Variants in RTKN2 observed in about 807,000 individuals in gnomAD.
The protein encoded by RTKN2 is rhotekin-2.
In RTKN2, 69 loss-of-function variants were observed where a neutral mutation model predicts 71.5. That is an observed-to-expected ratio of 0.96 (90% CI 0.79 to 1.18). The LOEUF is 1.18. Ranked by LOEUF, RTKN2 falls within the 50% of genes most tolerant of loss-of-function variation. The pLI is 0.00. For synonymous variants in RTKN2, 236 were observed against 236.5 expected (o/e 1.00, Z 0.02); for missense variants, 724 against 719.7 (o/e 1.01, Z -0.07).
chr10:62,188,369 G>A (rs1372329281), downstream of RTKN2, among the ~76,000 whole-genome samples: 1 of 152,196 alleles, frequency 6.6e-6, no homozygotes, highest in Non-Finnish European at 1.5e-5. Context: ...GAGGGAAACA[G>A]CAAGGGTGTG....
At chr10:62,202,449 G>A (rs190167026) in intron 10 of RTKN2, among the ~76,000 whole-genome samples, 2 of 152,290 alleles carry the variant, frequency 1.3e-5, no homozygotes, top group East Asian at 3.9e-4. Context: ...GGTTGCACCT[G>A]TCACTAGGAA....
chr10:62,222,764 T>C (rs1414204671), intron 7 of RTKN2, among the ~76,000 whole-genome samples: 3 of 152,222 alleles, frequency 2.0e-5, no homozygotes, highest in Non-Finnish European at 4.4e-5. Context: ...GTTTCCTGTA[T>C]CTTTATTTTG....
Position 62,197,719 on chromosome 10 carries a change from A to G in RTKN2, c.*189T>C. ...GCACACTGCTGGAGAAATCACTTACATTCTGCAAATCAGGAGTAAAAGAGA... is the reference window on the plus strand; with the variant it reads ...GCACACTGCTGGAGAAATCACTTACGTTCTGCAAATCAGGAGTAAAAGAGA... On this transcript the variant is annotated 3_prime_UTR_variant, in exon 12 of 12. Transcript: ENST00000373789. The G allele has an allele frequency of 1.4e-6, 2 of 1,405,772 alleles. No homozygotes were observed. Among genetic ancestry groups the G allele is most frequent in the Non-Finnish European group, 1.8e-6 (2 of 1,086,274 alleles). 87.1% of individuals were successfully genotyped at this position (1,405,772 alleles called of 1,614,324 possible).
At chr10:62,267,665 A>G (rs1017716888) in intron 1 of RTKN2, among the ~76,000 whole-genome samples, 1 of 152,250 alleles carries the variant, frequency 6.6e-6, no homozygotes, top group Admixed American at 6.5e-5. Context: ...AGATTTTTAA[A>G]CAAAGATATC....
chr10:62,235,785 A>G (rs533686022), intron 6 of RTKN2, among the ~76,000 whole-genome samples: 55 of 152,104 alleles, frequency 3.6e-4, no homozygotes, highest in Non-Finnish European at 6.9e-4. Context: ...CAAAATCTGA[A>G]AAAGTCCAAA....
Position 62,194,975 on chromosome 10 carries a change from C to A in RTKN2, c.*2933G>T, listed in dbSNP as rs1417009405. 1.0e-6 allele frequency: 1 copy of A among 985,186 alleles called. No individual in the cohort carries two copies. Among genetic ancestry groups the A allele is most frequent in the Non-Finnish European group, 1.2e-6 (1 of 829,902 alleles). 61.0% of individuals were successfully genotyped at this position (985,186 alleles called of 1,614,324 possible). On this transcript the variant is annotated 3_prime_UTR_variant, in exon 12 of 12. Transcript: ENST00000373789. ...ACAAAACTCAGCAAGAGTTGGCACG[C>A]CTGATATTTTTGAAAGACTATTTAC...
intron 2 of RTKN2, among the ~76,000 whole-genome samples, chr10:62,247,485 G>A (rs1021579747): frequency 6.6e-6 from 1 of 151,786 alleles, no homozygotes; most frequent in Admixed American, 6.6e-5. Flanking sequence ...TTACTTTATG[G>A]CCATATCTGG....
intron 6 of RTKN2, among the ~76,000 whole-genome samples, chr10:62,233,434 AAG>A (rs1260084541): frequency 1.3e-5 from 2 of 152,178 alleles, no homozygotes; most frequent in Non-Finnish European, 2.9e-5. Context: ...TCTTAGATCT[AAG>A]AGAAGAAAAT....
Position 62,195,064 on chromosome 10 carries a change from C to T in RTKN2, c.*2844G>A. On this transcript the variant is annotated 3_prime_UTR_variant, in exon 12 of 12. Transcript: ENST00000373789. ...TTTGCCCTTGCAAGATATTAAAATA[C>T]AAAAGTTACCACTTAGTAGCAATTA... 1.0e-6 allele frequency: 1 copy of T among 984,442 alleles called. No homozygotes were observed. The highest frequency in any genetic ancestry group is 1.1e-4 in the East Asian group (1 of 8,808). 61.0% of individuals were successfully genotyped at this position (984,442 alleles called of 1,614,324 possible).
At chr10:62,189,412 C>G (rs185417364), downstream of RTKN2, among the ~76,000 whole-genome samples, 3 of 152,308 alleles carry the variant, frequency 2.0e-5, no homozygotes, top group Non-Finnish European at 4.4e-5. Context: ...GCCATTCTAA[C>G]AAGCTAGGAG....
chr10:62,186,198 T>A (rs1841133932), intron 8 of RTKN2, among the ~76,000 whole-genome samples: 2 of 138,728 alleles, frequency 1.4e-5, no homozygotes. Flanking sequence ...TGCATATTCT[T>A]AACGTATATG....
At chr10:62,207,565 G>A (rs1361256333) in intron 9 of RTKN2, among the ~76,000 whole-genome samples, 1 of 151,990 alleles carries the variant, frequency 6.6e-6, no homozygotes, top group Non-Finnish European at 1.5e-5. Flanking sequence ...TCTCAAAAAA[G>A]GAAGTGATTA....
chr10:62,253,757 A>G (rs1179435993), intron 2 of RTKN2, among the ~76,000 whole-genome samples: 1 of 152,246 alleles, frequency 6.6e-6, no homozygotes, highest in East Asian at 1.9e-4. Flanking sequence ...AAAAACATCT[A>G]CCTGAAGTGA....
chr10:62,252,748 A>T (rs567987007), intron 2 of RTKN2, among the ~76,000 whole-genome samples: 37 of 152,200 alleles, frequency 2.4e-4, no homozygotes, highest in Middle Eastern at 3.4e-3. Context: ...CATTGCTATA[A>T]AGGAATACCT....
downstream of RTKN2, among the ~76,000 whole-genome samples, chr10:62,191,605 G>A (rs1272955554): frequency 6.6e-6 from 1 of 152,138 alleles, no homozygotes; most frequent in African/African-American, 2.4e-5. Context: ...TATCCAGACA[G>A]ATTTATGTTA....
chr10:62,232,117 A>C (rs1274072332), intron 6 of RTKN2, among the ~76,000 whole-genome samples: 1 of 152,180 alleles, frequency 6.6e-6, no homozygotes, highest in Non-Finnish European at 1.5e-5. Context: ...GCAAGATTCA[A>C]GGGGGAAATG....
exon 9 of RTKN2, chr10:62,183,961 G>A (rs1426721792): frequency 1.1e-5 from 2 of 175,372 alleles, no homozygotes; most frequent in Non-Finnish European, 2.4e-5. Flanking sequence ...CCATCAGTGG[G>A]TGGATTAGTT....
intron 5 of RTKN2, 54 bp from the exon 6 acceptor site, chr10:62,236,317 T>C: frequency 8.8e-7 from 1 of 1,140,434 alleles, no homozygotes; most frequent in Non-Finnish European, 1.3e-6. Context: ...GAAAATAAAA[T>C]TATACCATTC....
At chr10:62,184,013 ATAT>A (rs1279267876) in exon 9 of RTKN2, 1 of 236,566 alleles carries the variant, frequency 4.2e-6, no homozygotes, top group Non-Finnish European at 8.0e-6. Context: ...AGTAGTTATA[ATAT>A]TTCTCTTCAC....
Sources: gnomAD v4.1 joint callset for allele counts (sites outside exome capture counted in the v4.1 genomes callset) on GRCh38, gnomAD v4.1.1 for gene constraint, MANE v1.5 for transcripts, NCBI Gene and HGNC (gene_info 2026-07-23, HGNC 2026-07-21) for gene names.